Variants in MANBA observed in about 807,000 individuals in gnomAD.
The protein encoded by MANBA is mannosidase beta.
Under a neutral mutation model 111.1 loss-of-function variants are expected in MANBA, and 83 were observed. The ratio of observed to expected loss-of-function variants is 0.75; its 90% CI spans 0.63 to 0.90. The LOEUF is 0.90. Ranked by LOEUF, MANBA falls within the 40% of genes least tolerant of loss-of-function variation. MANBA has a pLI of 0.00. For missense variants in MANBA, 1,036 were observed against 1,069.0 expected (o/e 0.97, Z 0.43); for synonymous variants, 370 against 378.7 (o/e 0.98, Z 0.27).
rs996392733 is a variant in MANBA at position 102,741,692 on chromosome 4, A to C, written c.178-15009T>G. 4.6e-5 allele frequency among the ~76,000 whole-genome samples: 7 copies of C among 152,348 alleles called. No homozygotes were observed. The South Asian group carries it at 8.3e-4, about 18-fold the overall frequency. On this transcript the variant is annotated intron_variant, in intron 1 of 16. Transcript: ENST00000647097. ...TCAGGAATGGAAAGCCAAGCATTGT[A>C]TGTTCTCACTTATAAGTGGGACCTA...
At chr4:102,721,788 G>A (rs527364589) in intron 4 of MANBA, among the ~76,000 whole-genome samples, 1 of 152,236 alleles carries the variant, frequency 6.6e-6, no homozygotes, top group South Asian at 2.1e-4. Flanking sequence ...GGCACTTTGG[G>A]AGGCCAAAGT....
At chr4:102,752,234 G>C in intron 1 of MANBA, 2 of 962,750 alleles carry the variant, frequency 2.1e-6, no homozygotes, top group South Asian at 1.3e-5. Context: ...GTAGGATGTT[G>C]AGTCTGACAG....
At chr4:102,634,182 C>T (rs889158653) in intron 16 of MANBA, among the ~76,000 whole-genome samples, 1 of 152,168 alleles carries the variant, frequency 6.6e-6, no homozygotes, top group African/African-American at 2.4e-5. Context: ...TCTCCAGCTG[C>T]ACAATTTTTA....
intron 1 of MANBA, among the ~76,000 whole-genome samples, chr4:102,746,763 G>C (rs764651437): frequency 5.8e-4 from 89 of 152,146 alleles, no homozygotes; most frequent in Non-Finnish European, 1.1e-3. Context: ...ATGAGGTCAG[G>C]AGATCGAGAC....
chr4:102,722,834 T>C, intron 4 of MANBA, 37 bp downstream of exon 4: 1 of 1,600,590 alleles, frequency 6.2e-7, no homozygotes, highest in Non-Finnish European at 8.6e-7. Context: ...CACCCCGTCC[T>C]CAAAAATAAA....
At chr4:102,756,214 G>T (rs910102672) in intron 1 of MANBA, among the ~76,000 whole-genome samples, 10 of 152,178 alleles carry the variant, frequency 6.6e-5, no homozygotes, top group Admixed American at 5.9e-4. Context: ...GCAAAGACTT[G>T]TAACCAACCC....
intron 1 of MANBA, chr4:102,751,271 G>A: frequency 3.4e-6 from 1 of 294,946 alleles, no homozygotes; most frequent in East Asian, 7.8e-5. Flanking sequence ...AGGAAAAGCA[G>A]AGTCCAGGCT....
chr4:102,736,067 C>G (rs1048255212), intron 1 of MANBA, among the ~76,000 whole-genome samples: 6 of 152,128 alleles, frequency 3.9e-5, no homozygotes, highest in Non-Finnish European at 8.8e-5. Flanking sequence ...TGCCTGTGAC[C>G]CTAGTGGGGT....
intron 1 of MANBA, among the ~76,000 whole-genome samples, chr4:102,748,074 T>C (rs1348854896): frequency 2.6e-5 from 4 of 152,200 alleles, no homozygotes; most frequent in South Asian, 2.1e-4. Context: ...ATGGTTCCAC[T>C]GCCTCTGAGA....
At chr4:102,732,828 G>A (rs1233763878) in intron 1 of MANBA, among the ~76,000 whole-genome samples, 2 of 152,118 alleles carry the variant, frequency 1.3e-5, no homozygotes, top group East Asian at 3.8e-4. Context: ...ATTCCCCCAA[G>A]ACCTATTTAT....
chr4:102,689,833 A>C (rs1732397033), intron 6 of MANBA, 149 bp from the exon 7 acceptor site: 1 of 628,070 alleles, frequency 1.6e-6, no homozygotes, highest in Non-Finnish European at 2.9e-6. Context: ...GCCCAATCAG[A>C]CCAATTCATT....
At position 102,752,515 on chromosome 4, in the gene MANBA, C is replaced by T. The variant is rs987303124; in HGVS notation, c.177+8203G>A. On this transcript the variant is annotated intron_variant, in intron 1 of 16. Transcript: ENST00000647097. The stretch of plus-strand genomic sequence containing the variant: ...GGATACAAGAAGTTGTATGATCTGG[C>T]TGCTCATGAAGACAAAGTTCTGAGT... The T allele has an allele frequency of 9.7e-6, 7 of 721,652 alleles. No homozygotes were observed. The African/African-American group carries it at 1.2e-4, about 13-fold the overall frequency. The allele number at this position is 721,652 out of a possible 1,614,324, so 44.7% of individuals were successfully genotyped here.
intron 7 of MANBA, among the ~76,000 whole-genome samples, chr4:102,676,662 T>C (rs1318647376): frequency 6.6e-6 from 1 of 152,008 alleles, no homozygotes; most frequent in Non-Finnish European, 1.5e-5. Context: ...CCTGTATTTG[T>C]CTGTTATCAG....
intron 5 of MANBA, among the ~76,000 whole-genome samples, chr4:102,698,544 G>A (rs1732850744): frequency 1.4e-5 from 2 of 147,362 alleles, no homozygotes; most frequent in South Asian, 4.3e-4. Context: ...TAAGGTGTAA[G>A]GAAGGGATCC....
At chr4:102,657,371 G>C (rs1415952746) in intron 12 of MANBA, among the ~76,000 whole-genome samples, 1 of 152,118 alleles carries the variant, frequency 6.6e-6, no homozygotes, top group African/African-American at 2.4e-5. Context: ...CGGTAAAACA[G>C]TTGCAGGATA....
intron 14 of MANBA, among the ~76,000 whole-genome samples, chr4:102,639,182 A>C (rs1403822455): frequency 6.6e-6 from 1 of 152,168 alleles, no homozygotes; most frequent in Admixed American, 6.5e-5. Context: ...TGCCTCTACT[A>C]GCTTTTCCCC....
chr4:102,705,314 G>T (rs1733247559), intron 5 of MANBA, among the ~76,000 whole-genome samples: 1 of 152,212 alleles, frequency 6.6e-6, no homozygotes, highest in African/African-American at 2.4e-5. Flanking sequence ...GCTCCAGAGA[G>T]GGAGCTCCTA....
chr4:102,665,686 T>C (rs889262951), intron 10 of MANBA: 9 of 152,260 alleles, frequency 5.9e-5, no homozygotes, highest in African/African-American at 2.2e-4. Context: ...TCCCTTCTTC[T>C]AATACACTAG....
rs566723029 is a variant in MANBA, at chr4:102,729,910, G to A, written c.178-3227C>T. 41 of 1,514,956 alleles carry A rather than the reference G, an allele frequency of 2.7e-5. No individual in the cohort carries two copies. In the African/African-American group the frequency reaches 3.1e-4, roughly 12 times the overall value. 93.8% of individuals were successfully genotyped at this position (1,514,956 alleles called of 1,614,324 possible). On this transcript the variant is annotated intron_variant, in intron 1 of 16. Transcript: ENST00000647097. Reference sequence around the variant, plus strand: ...TTGATCTGCTGCTTCTCCTGGGTGCGCACAGCCTGGATGTTGGGGTCCACC... The same window carrying A: ...TTGATCTGCTGCTTCTCCTGGGTGCACACAGCCTGGATGTTGGGGTCCACC...
Sources: allele counts gnomAD v4.1 joint callset (sites outside exome capture counted in the v4.1 genomes callset), GRCh38; gene constraint gnomAD v4.1.1; transcripts MANE v1.5; gene names NCBI Gene and HGNC (gene_info 2026-07-23, HGNC 2026-07-21).